ADGRB3: variants seen among roughly 807,000 people sequenced by gnomAD.
ADGRB3 encodes brain-specific angiogenesis inhibitor 3.
A neutral mutation model predicts 193.4 loss-of-function variants in ADGRB3; 37 were observed. That is an observed-to-expected ratio of 0.19 (90% CI 0.15 to 0.25). The LOEUF is 0.25. Ranked by LOEUF, ADGRB3 falls within the 10% of genes least tolerant of loss-of-function variation. ADGRB3 has a pLI of 1.00. For missense variants in ADGRB3, 1,637 were observed against 1,852.9 expected (o/e 0.88, Z 2.14); for synonymous variants, 690 against 644.2 (o/e 1.07, Z -1.08).
intron 16 of ADGRB3, among the ~76,000 whole-genome samples, chr6:69,068,512 T>C (rs903003485): frequency 3.9e-5 from 6 of 152,178 alleles, no homozygotes; most frequent in Non-Finnish European, 8.8e-5. Flanking sequence ...GCAGCCATTA[T>C]TGGAAATGAT....
chr6:69,113,271 A>G (rs1773426053), intron 17 of ADGRB3, among the ~76,000 whole-genome samples: 1 of 152,048 alleles, frequency 6.6e-6, no homozygotes, highest in African/African-American at 2.4e-5. Context: ...CATATGTATC[A>G]CACATATTTA....
At chr6:69,152,393 A>G (rs1188424533) in intron 17 of ADGRB3, among the ~76,000 whole-genome samples, 2 of 152,186 alleles carry the variant, frequency 1.3e-5, no homozygotes, top group Admixed American at 6.5e-5. Flanking sequence ...ATTTATTAGA[A>G]ATCATTAGTG....
At chr6:69,085,135 T>C (rs532867134) in intron 17 of ADGRB3, among the ~76,000 whole-genome samples, 156 of 152,248 alleles carry the variant, frequency 1.0e-3, no homozygotes, top group Middle Eastern at 0.01. Context: ...CTACGTGTCA[T>C]AGGAAGCTCT....
chr6:69,255,578 G>A (rs1766745566), intron 20 of ADGRB3, among the ~76,000 whole-genome samples: 1 of 152,102 alleles, frequency 6.6e-6, no homozygotes, highest in African/African-American at 2.4e-5. Flanking sequence ...ATTTGTTTAA[G>A]TTCTTTGTAG....
chr6:68,743,079 A>G (rs1381415226), intron 3 of ADGRB3, among the ~76,000 whole-genome samples: 1 of 152,018 alleles, frequency 6.6e-6, no homozygotes, highest in Non-Finnish European at 1.5e-5. Context: ...CTTTCAGTCT[A>G]TAGAATCACA....
At chr6:68,978,368 T>G (rs1241517283) in intron 10 of ADGRB3, among the ~76,000 whole-genome samples, 1 of 151,176 alleles carries the variant, frequency 6.6e-6, no homozygotes, top group African/African-American at 2.4e-5. Context: ...AGATAGATGA[T>G]AGAGATAAGA....
Position 69,389,074 on chromosome 6 carries a change from G to C in ADGRB3, c.*183G>C, listed in dbSNP as rs1770138620. On this transcript the variant is annotated 3_prime_UTR_variant, in exon 32 of 32. Transcript: ENST00000370598. ...GTCAGGCTAGTGGAGAGATGACCAGGTGTACAGTTCTGACCATCCTGTGTT... is the reference window on the plus strand; with the variant it reads ...GTCAGGCTAGTGGAGAGATGACCAGCTGTACAGTTCTGACCATCCTGTGTT... 2 of 575,934 alleles carry C rather than the reference G, an allele frequency of 3.5e-6. No homozygotes were observed. Among genetic ancestry groups the C allele is most frequent in the South Asian group, 4.5e-5 (2 of 44,104 alleles). The allele number at this position is 575,934 out of a possible 1,614,324, so 35.7% of individuals were successfully genotyped here. A position where few individuals can be genotyped will look rare whatever the true frequency, so the allele number is the denominator to read the frequency against.
At chr6:69,347,895 T>G (rs1253930981) in intron 26 of ADGRB3, among the ~76,000 whole-genome samples, 1 of 152,152 alleles carries the variant, frequency 6.6e-6, no homozygotes, top group Non-Finnish European at 1.5e-5. Flanking sequence ...CAAAACTGCT[T>G]TTAAATAAGA....
chr6:69,007,824 G>T (rs902634278), intron 11 of ADGRB3, among the ~76,000 whole-genome samples: 1 of 151,888 alleles, frequency 6.6e-6, no homozygotes, highest in Non-Finnish European at 1.5e-5. Context: ...CCTGAGACTG[G>T]TTAATTGGTA....
rs956799876 is a variant in ADGRB3 at position 69,293,279 on chromosome 6, A to G, written c.2815-31593A>G. On this transcript the variant is annotated intron_variant, in intron 20 of 31. Transcript: ENST00000370598. ...TTGGGAATCCATGAGACAAACACCCACTTTCTCTTACTTATTAAGGAGTGG... is the reference window on the plus strand; with the variant it reads ...TTGGGAATCCATGAGACAAACACCCGCTTTCTCTTACTTATTAAGGAGTGG... Among the ~76,000 whole-genome samples the G allele has an allele frequency of 9.9e-5, 15 of 152,002 alleles. 1 individual carries two copies. The highest frequency in any genetic ancestry group is 8.5e-4 in the Admixed American group (13 of 15,244).
chr6:68,645,001 C>T (rs1047204512), intron 3 of ADGRB3, among the ~76,000 whole-genome samples: 4 of 152,112 alleles, frequency 2.6e-5, no homozygotes, highest in Non-Finnish European at 4.4e-5. Context: ...TTTTCTTTTA[C>T]TTCCTTTCCT....
intron 3 of ADGRB3, among the ~76,000 whole-genome samples, chr6:68,749,408 ATGTGTGTGTGTGTGTG>A (rs60078030): frequency 4.4e-5 from 6 of 136,490 alleles, no homozygotes; most frequent in Non-Finnish European, 7.8e-5. Flanking sequence ...ATATATATAT[ATGTGTGTGTGTGTGTG>A]TGTGTGTGTG....
chr6:69,035,920 A>T (rs1770855385), intron 13 of ADGRB3, among the ~76,000 whole-genome samples: 1 of 152,180 alleles, frequency 6.6e-6, no homozygotes, highest in African/African-American at 2.4e-5. Context: ...GAAAGATTAC[A>T]CAGGGAATGC....
At chr6:69,190,848 T>A (rs1030552333) in intron 17 of ADGRB3, among the ~76,000 whole-genome samples, 1 of 152,190 alleles carries the variant, frequency 6.6e-6, no homozygotes, top group African/African-American at 2.4e-5. Flanking sequence ...TATAATTATG[T>A]TACAATTGCC....
At chr6:69,253,363 C>A (rs1766669558) in intron 20 of ADGRB3, among the ~76,000 whole-genome samples, 1 of 151,924 alleles carries the variant, frequency 6.6e-6, no homozygotes, top group Non-Finnish European at 1.5e-5. Flanking sequence ...TTGCAATTTT[C>A]TTAGTATTAT....
intron 3 of ADGRB3, among the ~76,000 whole-genome samples, chr6:68,730,552 A>G (rs1765754147): frequency 6.6e-6 from 1 of 151,630 alleles, no homozygotes; most frequent in African/African-American, 2.4e-5. Context: ...ATTCATATGC[A>G]ATTGACTCTT....
chr6:69,211,529 G>A (rs570513155), intron 17 of ADGRB3, among the ~76,000 whole-genome samples: 21 of 152,186 alleles, frequency 1.4e-4, no homozygotes, highest in African/African-American at 3.9e-4. Flanking sequence ...ACACTATCAG[G>A]TAGAAAAATA....
intron 28 of ADGRB3, among the ~76,000 whole-genome samples, chr6:69,358,666 G>T (rs181774601): frequency 4.6e-5 from 7 of 151,838 alleles, no homozygotes. Flanking sequence ...CTAAATGGCA[G>T]CATTTCCATC....
At chr6:69,350,813 T>C (rs1213142128) in intron 26 of ADGRB3, among the ~76,000 whole-genome samples, 1 of 151,972 alleles carries the variant, frequency 6.6e-6, no homozygotes, top group Non-Finnish European at 1.5e-5. Flanking sequence ...GTTTGAAACA[T>C]AGACTTGCTT....
Sources: gnomAD v4.1 joint callset for allele counts (sites outside exome capture counted in the v4.1 genomes callset) on GRCh38, gnomAD v4.1.1 for gene constraint, MANE v1.5 for transcripts, NCBI Gene and HGNC (gene_info 2026-07-23, HGNC 2026-07-21) for gene names.